The following SPATA9 variants were observed in gnomAD, a reference collection of about 807,000 sequenced individuals.
SPATA9 encodes spermatogenesis-associated protein 9.
In SPATA9, 27 loss-of-function variants were observed where a neutral mutation model predicts 25.5. That is an observed-to-expected ratio of 1.06 (90% CI 0.78 to 1.46). SPATA9 has a LOEUF of 1.46. Among genes scored for constraint, SPATA9 ranks in the 40% most tolerant of loss-of-function variants. The pLI is 0.00. For synonymous variants in SPATA9, 102 were observed against 105.7 expected (o/e 0.97, Z 0.21); for missense variants, 282 against 297.5 (o/e 0.95, Z 0.38).
At chr5:95,730,860 G>C in the SPATA9 span, 1 of 455,452 alleles carries the variant, frequency 2.2e-6, no homozygotes, top group Non-Finnish European at 4.4e-6. Context: ...GAAAACAGCT[G>C]TAGCGCATGT....
chr5:95,708,495 G>C, the SPATA9 span: 1 of 690,926 alleles, frequency 1.4e-6, no homozygotes, highest in Non-Finnish European at 2.6e-6. Context: ...ATGAAGATCT[G>C]GTTGATCCCC....
At chr5:95,716,262 C>G in the SPATA9 span, among the ~76,000 whole-genome samples, 2 of 152,224 alleles carry the variant, frequency 1.3e-5, no homozygotes, top group Non-Finnish European at 2.9e-5. Flanking sequence ...TCAACGCCAG[C>G]CCATGAAAGC....
At chr5:95,728,089 T>A in the SPATA9 span, among the ~76,000 whole-genome samples, 1 of 152,244 alleles carries the variant, frequency 6.6e-6, no homozygotes, top group African/African-American at 2.4e-5. Flanking sequence ...GAACTAATCA[T>A]GTGGCCCTAC....
the SPATA9 span, chr5:95,713,779 T>C: frequency 6.6e-6 from 1 of 151,112 alleles, no homozygotes; most frequent in South Asian, 2.1e-4. Flanking sequence ...AATTCCAATG[T>C]TTTTTTTTCT....
chr5:95,665,962 T>TC (rs1326897102), intron 3 of SPATA9, among the ~76,000 whole-genome samples: 2 of 152,076 alleles, frequency 1.3e-5, no homozygotes, highest in Non-Finnish European at 2.9e-5. Context: ...AGAGCAAAAC[T>TC]CCATCTCAAA....
At chr5:95,692,176 T>G (rs1185774589) in intron 1 of SPATA9, among the ~76,000 whole-genome samples, 1 of 152,160 alleles carries the variant, frequency 6.6e-6, no homozygotes, top group Non-Finnish European at 1.5e-5. Flanking sequence ...GAATATGAAT[T>G]GAAAAGGTTT....
the SPATA9 span, among the ~76,000 whole-genome samples, chr5:95,720,302 G>A: frequency 1.3e-5 from 2 of 148,288 alleles, no homozygotes; most frequent in South Asian, 2.2e-4. Context: ...TAGCTCAGTT[G>A]TTTAGAATAG....
At chr5:95,693,687 C>T (rs1753944762) in intron 1 of SPATA9, among the ~76,000 whole-genome samples, 1 of 151,946 alleles carries the variant, frequency 6.6e-6, no homozygotes, top group Non-Finnish European at 1.5e-5. Context: ...TTAAATATTC[C>T]CCTGATTAAA....
chr5:95,708,058 G>T, the SPATA9 span, among the ~76,000 whole-genome samples: 1 of 145,308 alleles, frequency 6.9e-6, no homozygotes, highest in Non-Finnish European at 1.5e-5. Flanking sequence ...GTATGATGAG[G>T]AGAGGTCCAG....
At chr5:95,685,780 C>T (rs927781483), upstream of SPATA9, among the ~76,000 whole-genome samples, 4 of 152,176 alleles carry the variant, frequency 2.6e-5, no homozygotes, top group Admixed American at 6.5e-5. Context: ...AGTATCAATA[C>T]AAATACATTG....
the SPATA9 span, among the ~76,000 whole-genome samples, chr5:95,712,045 G>A: frequency 6.6e-6 from 1 of 152,126 alleles, no homozygotes; most frequent in Non-Finnish European, 1.5e-5. Flanking sequence ...AGCATGCACT[G>A]GAGGGGGCTC....
At chr5:95,685,868 ACT>A (rs1753731021), upstream of SPATA9, among the ~76,000 whole-genome samples, 1 of 151,980 alleles carries the variant, frequency 6.6e-6, no homozygotes, top group Non-Finnish European at 1.5e-5. Context: ...ATGGAGTCTC[ACT>A]CTCTCACCCA....
chr5:95,723,700 T>C, the SPATA9 span, among the ~76,000 whole-genome samples: 1 of 152,238 alleles, frequency 6.6e-6, no homozygotes, highest in African/African-American at 2.4e-5. Context: ...CTTATCTGTG[T>C]TGCTTTTCCC....
chr5:95,728,417 A>C, the SPATA9 span, among the ~76,000 whole-genome samples: 1 of 152,230 alleles, frequency 6.6e-6, no homozygotes, highest in Non-Finnish European at 1.5e-5. Context: ...CTCTTCTTCC[A>C]AATCTAACAA....
intron 4 of SPATA9, 86 bp from the exon 5 acceptor site, chr5:95,658,999 TAA>T: frequency 6.8e-6 from 10 of 1,475,586 alleles, no homozygotes; most frequent in Non-Finnish European, 6.3e-6. Flanking sequence ...GTGTTCCACA[TAA>T]AGTCATTTAA....
At chr5:95,688,882 A>T (rs560443898) in intron 1 of SPATA9, among the ~76,000 whole-genome samples, 1 of 152,340 alleles carries the variant, frequency 6.6e-6, no homozygotes, top group East Asian at 1.9e-4. Context: ...TAATAATTTT[A>T]AAAACCTTCC....
intron 3 of SPATA9, among the ~76,000 whole-genome samples, chr5:95,673,514 A>G (rs1321945276): frequency 2.0e-5 from 3 of 152,198 alleles, no homozygotes; most frequent in Non-Finnish European, 2.9e-5. Context: ...AAGACCCTGA[A>G]TAGCATAATG....
intron 3 of SPATA9, among the ~76,000 whole-genome samples, chr5:95,666,266 G>A (rs1022139290): frequency 7.2e-5 from 11 of 152,138 alleles, no homozygotes; most frequent in Non-Finnish European, 1.2e-4. Context: ...ATTAAGCTAC[G>A]CTGCCTTGGG....
the SPATA9 span, among the ~76,000 whole-genome samples, chr5:95,707,900 T>G: frequency 4.7e-4 from 72 of 152,282 alleles, no homozygotes; most frequent in African/African-American, 1.6e-3. Context: ...CCCACTTGTG[T>G]TTTTGGGGAA....
Sources: gnomAD v4.1 joint callset for allele counts (sites outside exome capture counted in the v4.1 genomes callset) on GRCh38, gnomAD v4.1.1 for gene constraint, MANE v1.5 for transcripts, NCBI Gene and HGNC (gene_info 2026-07-23, HGNC 2026-07-21) for gene names.